Variants in CSMD1 observed in about 807,000 individuals in gnomAD.
The protein encoded by CSMD1 is CUB and sushi domain-containing protein 1.
CSMD1 carries 213 observed loss-of-function variants against 417.5 expected under a neutral mutation model. The ratio of observed to expected loss-of-function variants is 0.51; its 90% confidence interval spans 0.46 to 0.57. The LOEUF (loss-of-function observed/expected upper bound fraction) is 0.57, where lower values mean the gene tolerates loss of function less well. CSMD1 is among the 20% of genes least tolerant of loss of function. The probability of loss-of-function intolerance (pLI) is 0.00; values close to 1 mark genes in which losing one functional copy is unlikely to be tolerated. For missense variants in CSMD1, 6,923 were observed against 4,529.7 expected (o/e 1.53, Z -15.17); for synonymous variants, 2,862 against 1,736.8 (o/e 1.65, Z -16.11).
At chr8:4,709,426 G>T (rs759739154) in intron 1 of CSMD1, among the ~76,000 whole-genome samples, 1 of 152,148 alleles carries the variant, frequency 6.6e-6, no homozygotes, top group Admixed American at 6.5e-5. Flanking sequence ...ACTTGGGGCT[G>T]CCCTGGCCTC....
Position 3,118,502 on chromosome 8 carries a change from T to C in CSMD1, c.6327A>G (p.Val2109=), listed in dbSNP as rs766159309. The change falls in exon 42 of 70, where the codon GTA becomes GTG. Residue 2109 remains valine, a synonymous_variant. Coordinates refer to ENST00000635120, the MANE Select transcript of CSMD1 (RefSeq NM_033225.6). ...TGTACCCAGGATAACACTCGAAAGA[T>C]ACTGATTGCCCCACGCTGTAATCCG... ...INSDYSVGQS[V]SFECYPGYIL... is the part of the protein sequence containing the mutation. 117 of 1,613,812 alleles carry C rather than the reference T, an allele frequency of 7.2e-5. No homozygotes were observed. Among genetic ancestry groups the C allele is most frequent in the Non-Finnish European group, 9.2e-5 (109 of 1,179,834 alleles).
At chr8:3,799,525 G>T (rs945213753) in intron 5 of CSMD1, among the ~76,000 whole-genome samples, 1 of 150,686 alleles carries the variant, frequency 6.6e-6, no homozygotes, top group African/African-American at 2.4e-5. Flanking sequence ...GTAACATTAG[G>T]TAAAATGGAT....
intron 3 of CSMD1, among the ~76,000 whole-genome samples, chr8:4,305,546 T>C (rs1224762367): frequency 2.0e-5 from 3 of 152,212 alleles, no homozygotes; most frequent in Non-Finnish European, 4.4e-5. Flanking sequence ...CCAGTATTGC[T>C]GTTCTCTCTG....
At chr8:4,266,016 C>T (rs1168454125) in intron 3 of CSMD1, among the ~76,000 whole-genome samples, 2 of 103,582 alleles carry the variant, frequency 1.9e-5, no homozygotes, top group East Asian at 2.6e-4. Context: ...CATCCCAAAC[C>T]GGCCCACCGC....
intron 41 of CSMD1, among the ~76,000 whole-genome samples, chr8:3,126,998 G>C (rs982439528): frequency 1.3e-5 from 2 of 152,192 alleles, no homozygotes; most frequent in Non-Finnish European, 2.9e-5. Flanking sequence ...TCATTTAAAG[G>C]AGAAGGTGAG....
At chr8:4,127,725 T>C (rs1489789601) in intron 3 of CSMD1, among the ~76,000 whole-genome samples, 1 of 152,234 alleles carries the variant, frequency 6.6e-6, no homozygotes, top group Non-Finnish European at 1.5e-5. Flanking sequence ...GAAAGGTATA[T>C]TCAGCATTTA....
At chr8:4,543,097 C>T (rs1037773674) in intron 2 of CSMD1, among the ~76,000 whole-genome samples, 4 of 152,174 alleles carry the variant, frequency 2.6e-5, no homozygotes, top group African/African-American at 9.7e-5. Context: ...CTATTATCAA[C>T]ATCCTGCATT....
chr8:3,017,792 G>A (rs1808971959), intron 52 of CSMD1, among the ~76,000 whole-genome samples: 1 of 132,690 alleles, frequency 7.5e-6, no homozygotes, highest in Admixed American at 8.3e-5. Context: ...CAGTTTCTAT[G>A]GCTTTGAGTG....
intron 3 of CSMD1, among the ~76,000 whole-genome samples, chr8:4,123,706 T>G (rs1391472579): frequency 6.6e-6 from 1 of 152,198 alleles, no homozygotes; most frequent in African/African-American, 2.4e-5. Flanking sequence ...TTTTATCACA[T>G]TTGGAAGAAG....
At chr8:4,959,681 A>T (rs907842324) in intron 1 of CSMD1, among the ~76,000 whole-genome samples, 1 of 152,160 alleles carries the variant, frequency 6.6e-6, no homozygotes, top group African/African-American at 2.4e-5. Context: ...TCTAACTTTG[A>T]TCAAAACCCT....
At chr8:4,176,410 A>C (rs1461519572) in intron 3 of CSMD1, among the ~76,000 whole-genome samples, 1 of 151,782 alleles carries the variant, frequency 6.6e-6, no homozygotes, top group African/African-American at 2.4e-5. Flanking sequence ...CTTTTCTCTT[A>C]TTTACCATGA....
At chr8:4,192,976 G>A (rs964258315) in intron 3 of CSMD1, among the ~76,000 whole-genome samples, 9 of 152,286 alleles carry the variant, frequency 5.9e-5, no homozygotes, top group African/African-American at 1.9e-4. Context: ...ATATTTGAGT[G>A]TTTTGCAAAT....
chr8:3,950,587 A>C (rs2129868995), intron 5 of CSMD1, among the ~76,000 whole-genome samples: 1 of 152,358 alleles, frequency 6.6e-6, no homozygotes, highest in Middle Eastern at 3.4e-3. Flanking sequence ...TATTGCGTGA[A>C]ATATGAAACC....
chr8:4,782,875 T>C (rs1425986836), intron 1 of CSMD1, among the ~76,000 whole-genome samples: 1 of 152,094 alleles, frequency 6.6e-6, no homozygotes, highest in Non-Finnish European at 1.5e-5. Flanking sequence ...CTAAAAGCTT[T>C]ATGATGTACA....
At chr8:3,772,840 C>A (rs189866684) in intron 5 of CSMD1, among the ~76,000 whole-genome samples, 1 of 151,928 alleles carries the variant, frequency 6.6e-6, no homozygotes, top group African/African-American at 2.4e-5. Flanking sequence ...CACCTCCCAA[C>A]CCCCTCCTCT....
chr8:4,287,377 T>C (rs1038539936), intron 3 of CSMD1, among the ~76,000 whole-genome samples: 5 of 152,210 alleles, frequency 3.3e-5, no homozygotes, highest in African/African-American at 7.2e-5. Flanking sequence ...AGAGGAACAA[T>C]GTAATGGAAC....
At chr8:4,294,825 G>T (rs1343656848) in intron 3 of CSMD1, among the ~76,000 whole-genome samples, 1 of 151,876 alleles carries the variant, frequency 6.6e-6, no homozygotes, top group Non-Finnish European at 1.5e-5. Context: ...CAACCCATGT[G>T]TAATTAGTAA....
chr8:4,740,893 C>T (rs1194701840), intron 1 of CSMD1, among the ~76,000 whole-genome samples: 1 of 152,168 alleles, frequency 6.6e-6, no homozygotes, highest in African/African-American at 2.4e-5. Context: ...CTTTTTTCCA[C>T]AACAGCTAAC....
In CSMD1 at chr8:4,248,015, A is replaced by G. The variant is rs1044341328; in HGVS notation, c.415+171938T>C. Among the ~76,000 whole-genome samples, 5 of 152,194 alleles carry G rather than the reference A, an allele frequency of 3.3e-5. No individual in the cohort carries two copies. The South Asian group carries it at 1.0e-3, about 32-fold the overall frequency. ...TTAAGTTGGCTCTCCATAATTGTAT[A>G]TAGATTTTTCATTTAGAGAAGTTAT... On this transcript the variant is annotated intron_variant, in intron 3 of 69. Coordinates refer to ENST00000635120, the MANE Select transcript of CSMD1 (RefSeq NM_033225.6).
Sources: allele counts gnomAD v4.1 joint callset (sites outside exome capture counted in the v4.1 genomes callset), GRCh38; gene constraint gnomAD v4.1.1; transcripts MANE v1.5; gene names NCBI Gene and HGNC (gene_info 2026-07-23, HGNC 2026-07-21).